Variants in SLC30A8 observed in about 807,000 individuals in gnomAD.
SLC30A8 encodes solute carrier family 30 member 8.
SLC30A8 carries 27 observed loss-of-function variants against 36.9 expected under a neutral mutation model. The ratio of observed to expected loss-of-function variants is 0.73; its 90% CI spans 0.54 to 1.01. The LOEUF (loss-of-function observed/expected upper bound fraction) is 1.01, where lower values mean the gene tolerates loss of function less well. SLC30A8 is among the 50% of genes least tolerant of loss of function. SLC30A8 has a pLI of 0.00. For synonymous variants in SLC30A8, 164 were observed against 172.4 expected (o/e 0.95, Z 0.38); for missense variants, 439 against 452.0 (o/e 0.97, Z 0.26).
chr8:117,013,545 AT>A (rs928345212), intron 1 of SLC30A8, among the ~76,000 whole-genome samples: 1 of 152,100 alleles, frequency 6.6e-6, no homozygotes, highest in African/African-American at 2.4e-5. Context: ...ATATTCATTC[AT>A]TTTTTTCTCA....
At chr8:117,154,223 T>C (rs1207082290) in intron 3 of SLC30A8, among the ~76,000 whole-genome samples, 4 of 152,168 alleles carry the variant, frequency 2.6e-5, no homozygotes, top group Non-Finnish European at 5.9e-5. Flanking sequence ...TTACTTTGAC[T>C]CATTTTTACA....
intron 2 of SLC30A8, among the ~76,000 whole-genome samples, chr8:117,085,781 A>G (rs1004856454): frequency 2.0e-5 from 3 of 152,186 alleles, no homozygotes; most frequent in African/African-American, 7.2e-5. Context: ...AAAGTAATAC[A>G]AGCTAATAAA....
intron 2 of SLC30A8, among the ~76,000 whole-genome samples, chr8:117,119,851 T>A (rs187003989): frequency 6.6e-6 from 1 of 151,840 alleles, no homozygotes; most frequent in Non-Finnish European, 1.5e-5. Context: ...CCATGAACTA[T>A]CAGAAAAGAA....
intron 1 of SLC30A8, among the ~76,000 whole-genome samples, chr8:116,953,934 A>G (rs563300917): frequency 1.3e-5 from 2 of 152,164 alleles, no homozygotes; most frequent in Non-Finnish European, 2.9e-5. Context: ...TCTCTCTGGC[A>G]GCAGTGTGGA....
chr8:117,038,167 G>T (rs550032332), intron 1 of SLC30A8, among the ~76,000 whole-genome samples: 1 of 152,234 alleles, frequency 6.6e-6, no homozygotes, highest in East Asian at 1.9e-4. Context: ...TGGATACTCG[G>T]TAAAAGCAAT....
At chr8:117,044,040 G>A (rs1203043926) in intron 2 of SLC30A8, among the ~76,000 whole-genome samples, 1 of 152,192 alleles carries the variant, frequency 6.6e-6, no homozygotes, top group Non-Finnish European at 1.5e-5. Context: ...GAACTGTAAT[G>A]ATGGAAGCGT....
intron 7 of SLC30A8, among the ~76,000 whole-genome samples, 183 bp from the exon 8 acceptor site, chr8:117,172,353 A>G (rs1313613050): frequency 6.6e-6 from 1 of 152,170 alleles, no homozygotes; most frequent in Non-Finnish European, 1.5e-5. Flanking sequence ...TTGCTGCACT[A>G]GAGTTTCCCC....
chr8:117,114,042 G>A (rs2130884913), intron 2 of SLC30A8, among the ~76,000 whole-genome samples: 1 of 152,184 alleles, frequency 6.6e-6, no homozygotes, highest in South Asian at 2.1e-4. Context: ...AGATGTTGGA[G>A]AACAGTATCA....
chr8:116,986,458 G>T (rs550957211), intron 1 of SLC30A8, among the ~76,000 whole-genome samples: 1 of 152,268 alleles, frequency 6.6e-6, no homozygotes, highest in South Asian at 2.1e-4. Context: ...AGAAAGGGCA[G>T]TTCTACCTAT....
intron 2 of SLC30A8, among the ~76,000 whole-genome samples, chr8:117,062,094 A>T (rs1818037037): frequency 6.6e-6 from 1 of 152,168 alleles, no homozygotes; most frequent in Non-Finnish European, 1.5e-5. Flanking sequence ...GACTTGGAAG[A>T]AGTGGACTTT....
intron 3 of SLC30A8, 28 bp downstream of exon 3, chr8:117,153,118 G>A (rs1822279181): frequency 6.6e-7 from 1 of 1,518,550 alleles, no homozygotes; most frequent in Non-Finnish European, 8.9e-7. Context: ...AGCAATAACA[G>A]CAGGCTGGTG....
At chr8:116,982,095 T>G (rs1319256169) in intron 1 of SLC30A8, among the ~76,000 whole-genome samples, 2 of 152,218 alleles carry the variant, frequency 1.3e-5, no homozygotes, top group African/African-American at 4.8e-5. Context: ...TTTTCATTTT[T>G]AGTAATAGCC....
chr8:117,019,047 C>T (rs1816620772), intron 1 of SLC30A8, among the ~76,000 whole-genome samples: 1 of 152,074 alleles, frequency 6.6e-6, no homozygotes, highest in Non-Finnish European at 1.5e-5. Flanking sequence ...CATATAAGTA[C>T]CAAAAGTAGT....
chr8:117,176,423 AAT>A lies in SLC30A8; in HGVS notation c.*3743_*3744del. 6.6e-6 allele frequency: 1 copy of A among 152,460 alleles called. No homozygotes were observed. Among genetic ancestry groups the A allele is most frequent in the East Asian group, 1.9e-4 (1 of 5,156 alleles). The allele number at this position is 152,460 out of a possible 1,614,324, so 9.4% of individuals were successfully genotyped here. A position where few individuals can be genotyped will look rare whatever the true frequency, so the allele number is the denominator to read the frequency against. On this transcript the variant is annotated 3_prime_UTR_variant, in exon 8 of 8. Transcript: ENST00000456015. ...TATTCCCTGTTTTGGATCACAGGGCAATCTGTTTAAATGACTAATTACAGAAA... is the reference window on the plus strand; with the variant it reads ...TATTCCCTGTTTTGGATCACAGGGCACTGTTTAAATGACTAATTACAGAAA...
chr8:117,137,349 C>A (rs1821411495), intron 1 of SLC30A8, among the ~76,000 whole-genome samples: 1 of 151,934 alleles, frequency 6.6e-6, no homozygotes, highest in South Asian at 2.1e-4. Context: ...CTATTATCAG[C>A]TTTCTATTTA....
chr8:117,084,497 C>G (rs1586484308), intron 2 of SLC30A8, among the ~76,000 whole-genome samples: 1 of 152,274 alleles, frequency 6.6e-6, no homozygotes, highest in East Asian at 1.9e-4. Flanking sequence ...TTCTCTTTTA[C>G]CCCAGTAATT....
chr8:117,004,516 C>T (rs911354199), intron 1 of SLC30A8, among the ~76,000 whole-genome samples: 6 of 151,772 alleles, frequency 4.0e-5, no homozygotes, highest in South Asian at 2.1e-4. Flanking sequence ...GCGTCAAGAG[C>T]GTGTCCCTGT....
In SLC30A8 at chr8:116,982,065, C is replaced by A. The variant is rs538854108; in HGVS notation, c.-266+30946C>A. 2.0e-5 allele frequency among the ~76,000 whole-genome samples: 3 copies of A among 152,240 alleles called. No homozygotes were observed. The East Asian group carries it at 5.8e-4, about 29-fold the overall frequency. ...TATAAACATTCCCTTTTCTCTGCAA[C>A]CTTGCCAGAATCTGTTATTTTTTCA... On this transcript the variant is annotated intron_variant, in intron 1 of 10. Coordinates refer to the SLC30A8 transcript ENST00000427715.
chr8:116,951,139 G>A (rs1034128904), intron 1 of SLC30A8: 1 of 152,146 alleles, frequency 6.6e-6, no homozygotes, highest in Non-Finnish European at 1.5e-5. Flanking sequence ...TGATGTCTCT[G>A]GGCTTCAATT....
Sources: allele counts gnomAD v4.1 joint callset (sites outside exome capture counted in the v4.1 genomes callset), GRCh38; gene constraint gnomAD v4.1.1; transcripts MANE v1.5; gene names NCBI Gene and HGNC (gene_info 2026-07-23, HGNC 2026-07-21).